Variants in CDK6 observed in about 807,000 individuals in gnomAD.
CDK6 encodes cyclin dependent kinase 6, also known as cyclin-dependent kinase 6.
In CDK6, 6 loss-of-function variants were observed where a neutral mutation model predicts 37.1. That is an observed-to-expected ratio of 0.16 (90% CI 0.09 to 0.32). CDK6 has a LOEUF of 0.32. Among genes scored for constraint, CDK6 ranks in the 10% least tolerant of loss-of-function variants. The pLI is 1.00. For missense variants in CDK6, 224 were observed against 418.9 expected, an observed-to-expected ratio of 0.53 and a Z score of 4.06; for synonymous variants, 160 against 161.3, an observed-to-expected ratio of 0.99 and a Z score of 0.06.
At chr7:92,717,482 GAAAGA>G (rs1178900258) in intron 4 of CDK6, among the ~76,000 whole-genome samples, 3 of 150,156 alleles carry the variant, frequency 2.0e-5, no homozygotes, top group Non-Finnish European at 4.4e-5. Context: ...AAGAAAGAAA[GAAAGA>G]AAAGAAAGAA....
chr7:92,651,755 C>CTTT (rs201093773), intron 5 of CDK6, among the ~76,000 whole-genome samples: 1 of 141,464 alleles, frequency 7.1e-6, no homozygotes. Context: ...TACTAAAAAA[C>CTTT]TTTTTTTTTT....
chr7:92,607,080 G>A lies in CDK6; in HGVS notation c.*8060C>T, dbSNP rs1562906455. ...TACACAGCTAAGTTGCCTGAAGCAT[G>A]GAAACTTGGACTTCTCCATCTGACA... On this transcript the variant is annotated 3_prime_UTR_variant, in exon 8 of 8. Transcript: ENST00000424848. 1.3e-5 allele frequency: 3 copies of A among 233,548 alleles called. No individual in the cohort carries two copies. The South Asian group carries it at 5.4e-4, about 42-fold the overall frequency. The allele number at this position is 233,548 out of a possible 1,614,324, so 14.5% of individuals were successfully genotyped here.
intron 5 of CDK6, among the ~76,000 whole-genome samples, chr7:92,628,256 GCGTTT>G (rs1795973735): frequency 6.6e-6 from 1 of 151,580 alleles, no homozygotes; most frequent in Non-Finnish European, 1.5e-5. Context: ...TTTCTATACT[GCGTTT>G]TATGAGTGTT....
chr7:92,632,286 G>A (rs1032541454), intron 5 of CDK6, among the ~76,000 whole-genome samples: 4 of 152,158 alleles, frequency 2.6e-5, no homozygotes, highest in African/African-American at 9.7e-5. Flanking sequence ...TGAAATGGAA[G>A]TGTCTGTTGG....
intron 4 of CDK6, among the ~76,000 whole-genome samples, chr7:92,683,960 T>C (rs1797392895): frequency 6.6e-6 from 1 of 152,242 alleles, no homozygotes; most frequent in Non-Finnish European, 1.5e-5. Flanking sequence ...GGCCTTGTAA[T>C]GTTTTCTCTT....
At chr7:92,634,475 C>CT (rs548746162) in intron 5 of CDK6, among the ~76,000 whole-genome samples, 36,039 of 148,476 alleles carry the variant, frequency 0.24, 4,652 homozygotes, top group Middle Eastern at 0.38. Context: ...CTCTTCATAA[C>CT]TTTTTTTTTT....
chr7:92,690,489 T>C (rs765988024), intron 4 of CDK6, among the ~76,000 whole-genome samples: 29 of 152,172 alleles, frequency 1.9e-4, no homozygotes, highest in Admixed American at 6.5e-4. Flanking sequence ...TGTCTGTTTT[T>C]GTACCAGTGC....
At chr7:92,639,283 A>G (rs764490906) in intron 5 of CDK6, among the ~76,000 whole-genome samples, 44 of 152,358 alleles carry the variant, frequency 2.9e-4, no homozygotes, top group Non-Finnish European at 4.7e-4. Flanking sequence ...CAATAGCGAC[A>G]TTATTAAACG....
chr7:92,699,307 T>C (rs1008976340), intron 4 of CDK6, among the ~76,000 whole-genome samples: 5 of 152,210 alleles, frequency 3.3e-5, no homozygotes, highest in African/African-American at 1.2e-4. Flanking sequence ...CTCGATTAAG[T>C]CAATAATTAA....
intron 5 of CDK6, among the ~76,000 whole-genome samples, chr7:92,648,113 A>G (rs763268692): frequency 2.0e-5 from 3 of 151,822 alleles, no homozygotes; most frequent in Non-Finnish European, 4.4e-5. Flanking sequence ...GTGTGTGTGT[A>G]AGTGTGTTCG....
intron 5 of CDK6, among the ~76,000 whole-genome samples, chr7:92,650,896 C>T (rs1359083056): frequency 1.4e-5 from 2 of 146,060 alleles, no homozygotes; most frequent in Non-Finnish European, 1.5e-5. Flanking sequence ...AATTCTCTCT[C>T]TTTTTTTTTT....
At position 92,703,969 on chromosome 7, in the gene CDK6, C is replaced by G. The variant is rs576079272; in HGVS notation, c.537+21657G>C. On this transcript the variant is annotated intron_variant, in intron 4 of 7. Transcript: ENST00000424848. ...CTCCTTCCTACTTACTCTGCCTCAG[C>G]TGCACTGACCTTCTTGCTTTCCTTG... Among the ~76,000 whole-genome samples the G allele has an allele frequency of 2.0e-5, 3 of 152,328 alleles. No homozygotes were observed. In the East Asian group the frequency reaches 5.8e-4, roughly 29 times the overall value.
intron 4 of CDK6, among the ~76,000 whole-genome samples, chr7:92,711,264 G>A (rs1798081434): frequency 6.6e-6 from 1 of 152,118 alleles, no homozygotes; most frequent in African/African-American, 2.4e-5. Context: ...CACAGTGAAA[G>A]TAAGAAAAAG....
At chr7:92,771,287 C>A in intron 3 of CDK6, among the ~76,000 whole-genome samples, 1 of 140,048 alleles carries the variant, frequency 7.1e-6, no homozygotes. Flanking sequence ...GTGACTCCGT[C>A]TCAAAAAAAA....
rs577051169 is a variant in CDK6, at chr7:92,650,702, ATGTGGT to A, written c.647+20718_647+20723del. Among the ~76,000 whole-genome samples the A allele has an allele frequency of 2.6e-3, 398 of 152,172 alleles. 2 individuals carry two copies. Among genetic ancestry groups the A allele is most frequent in the African/African-American group, 9.3e-3 (387 of 41,510 alleles). On this transcript the variant is annotated intron_variant, in intron 5 of 7. Coordinates refer to ENST00000424848, the MANE Select transcript of CDK6 (RefSeq NM_001145306.2). ...GTGATTGTTGGCTGAATTCAGTCTG[ATGTGGT>A]TGTAAGACTGAGGTCCCTGTCTCCT...
intron 2 of CDK6, among the ~76,000 whole-genome samples, chr7:92,813,618 G>A (rs1442773103): frequency 6.6e-6 from 1 of 152,224 alleles, no homozygotes; most frequent in Non-Finnish European, 1.5e-5. Context: ...ACAGTACAGA[G>A]CTAGCTGCAG....
intron 5 of CDK6, among the ~76,000 whole-genome samples, chr7:92,669,350 T>A (rs901898987): frequency 6.6e-6 from 1 of 152,252 alleles, no homozygotes; most frequent in Non-Finnish European, 1.5e-5. Flanking sequence ...GGAGATTGCC[T>A]ATACAGCAAA....
At chr7:92,766,652 C>A (rs1799589157) in intron 3 of CDK6, among the ~76,000 whole-genome samples, 1 of 152,204 alleles carries the variant, frequency 6.6e-6, no homozygotes, top group Non-Finnish European at 1.5e-5. Flanking sequence ...AAAGAGACTG[C>A]AACCAAGGAG....
At chr7:92,664,126 G>A (rs1562928768) in intron 5 of CDK6, among the ~76,000 whole-genome samples, 1 of 151,832 alleles carries the variant, frequency 6.6e-6, no homozygotes, top group Non-Finnish European at 1.5e-5. Flanking sequence ...GGGTGACAGA[G>A]CGAGACTCTG....
Sources: allele counts gnomAD v4.1 joint callset (sites outside exome capture counted in the v4.1 genomes callset), GRCh38; gene constraint gnomAD v4.1.1; transcripts MANE v1.5; gene names NCBI Gene and HGNC (gene_info 2026-07-23, HGNC 2026-07-21).